Variants in TTN observed in about 807,000 individuals in gnomAD.
The protein encoded by TTN is titin, also known as connectin.
In TTN, 1,525 loss-of-function variants were observed where a neutral mutation model predicts 3,223.0. The ratio of observed to expected loss-of-function variants is 0.47; its 90% CI spans 0.45 to 0.49. The LOEUF (loss-of-function observed/expected upper bound fraction) is 0.49, where lower values mean the gene tolerates loss of function less well. TTN is among the 20% of genes least tolerant of loss of function. The pLI, the probability that TTN is intolerant of heterozygous loss-of-function variation, is 0.00. For missense variants in TTN, 40,786 were observed against 43,424.0 expected (o/e 0.94, Z 5.40); for synonymous variants, 14,094 against 15,161.0 (o/e 0.93, Z 5.17).
At position 178,782,927 on chromosome 2, in the gene TTN, G is replaced by T. The variant is rs371838857; in HGVS notation, c.2979C>A (p.Phe993Leu). The T allele has an allele frequency of 1.9e-6, 3 of 1,614,144 alleles. No homozygotes were observed. In the African/African-American group the frequency reaches 4.0e-5, roughly 22 times the overall value. The change falls in exon 18 of 363, where the codon TTC becomes TTA. Residue 993 changes from phenylalanine to leucine, a missense_variant. Transcript: ENST00000589042. Reference sequence around the variant, plus strand: ...TCATAAGACGAGCAATTCCACTCTGGAAGGTTATCTGGAAGTCAATGGAAC... The same window carrying T: ...TCATAAGACGAGCAATTCCACTCTGTAAGGTTATCTGGAAGTCAATGGAAC... ...IESSIDFQIT[F>L]QSGIARLMIR...
intron 112 of TTN, among the ~76,000 whole-genome samples, chr2:178,698,344 C>T (rs1235050962): frequency 6.6e-6 from 1 of 151,958 alleles, no homozygotes; most frequent in East Asian, 1.9e-4. Context: ...TAATAGTGTA[C>T]TGTACATTTC....
In TTN at chr2:178,588,929, A is replaced by G. The variant is rs1350819648; in HGVS notation, c.62796T>C (p.Asn20932=). 1.2e-6 allele frequency: 2 copies of G among 1,612,824 alleles called. No homozygotes were observed. Among genetic ancestry groups the G allele is most frequent in the Non-Finnish European group, 1.7e-6 (2 of 1,179,458 alleles). ...CTGCACGGACTCTGAAAATATATTC[A>G]TTTCCTTCTATGAGACGTGTTACTG... ...GTTVTRLIEG[N]EYIFRVRAEN... is the part of the protein sequence containing the mutation. Residue 20932 remains asparagine, a synonymous_variant, in exon 304 of 363, where the codon AAT becomes AAC. Transcript: ENST00000589042.
chr2:178,700,433 C>G (rs2074754309), intron 111 of TTN, among the ~76,000 whole-genome samples: 1 of 152,114 alleles, frequency 6.6e-6, no homozygotes, highest in Non-Finnish European at 1.5e-5. Flanking sequence ...TTTTGACATA[C>G]AGAATTTTTT....
At position 178,591,747 on chromosome 2, in the gene TTN, C is replaced by G; in HGVS notation, c.60072G>C (p.Trp20024Cys). 6 of 1,613,286 alleles carry G rather than the reference C, an allele frequency of 3.7e-6. No individual in the cohort carries two copies. The highest frequency in any genetic ancestry group is 5.1e-6 in the Non-Finnish European group (6 of 1,179,568). Reference protein sequence around the residue: ...VEYQEEGTQDWIKFKTVTNLE... With the variant: ...VEYQEEGTQDCIKFKTVTNLE... The stretch of plus-strand genomic sequence containing the variant: ...AGTTTGTCACAGTCTTAAATTTAAT[C>G]CAGTCCTGGGTGCCTTCTTCTTGAT... The change falls in exon 303 of 363, where the codon TGG becomes TGC. Residue 20024 changes from tryptophan to cysteine, a missense_variant. Coordinates refer to ENST00000589042, the MANE Select transcript of TTN (RefSeq NM_001267550.2).
rs879176251 is a variant in TTN at position 178,739,886 on chromosome 2, C to T, written c.13347G>A (p.Lys4449=). 6.2e-7 allele frequency: 1 copy of T among 1,613,762 alleles called. No individual in the cohort carries two copies. The highest frequency in any genetic ancestry group is 8.5e-7 in the Non-Finnish European group (1 of 1,179,842). The part of the protein sequence containing the change: ...IMCMYLVTSA[K]SVTEEVTIII... ...TGATGGTTACTTCTTCTGTTACAGA[C>T]TTTGCCGAAGTAACAAGGTACATGC... The change falls in exon 48 of 363, where the codon AAG becomes AAA. Residue 4449 remains lysine, a synonymous_variant. Coordinates refer to ENST00000589042, the MANE Select transcript of TTN (RefSeq NM_001267550.2).
rs771598392 is a variant in TTN, at chr2:178,684,974, T to A, written c.32486A>T (p.Lys10829Met). Reference protein sequence around the residue: ...PPPAKVPEAPKKIVPEKKVPA... With the variant: ...PPPAKVPEAPMKIVPEKKVPA... ...AACTTTCTTTTCTGGCACAATTTTC[T>A]TAGGTGCTTCAGGAACTTTAGAAAG... Residue 10829 changes from lysine (K) to methionine (M), a missense_variant, in exon 130 of 363, where the codon AAG becomes ATG. Physicochemically the swap from Lys to Met is moderately conservative, Grantham distance 95. Coordinates refer to ENST00000589042, the MANE Select transcript of TTN (RefSeq NM_001267550.2). 6.2e-7 allele frequency: 1 copy of A among 1,605,262 alleles called. No homozygotes were observed. The highest frequency in any genetic ancestry group is 2.2e-5 in the East Asian group (1 of 44,794).
rs781351100 is a variant in TTN, at chr2:178,713,149, G to T, written c.26985C>A (p.Asp8995Glu). Reference protein sequence around the residue: ...VNMLEESDSGDYTCIATNMAG... With the variant: ...VNMLEESDSGEYTCIATNMAG... ...CCATATTAGTAGCTATACATGTGTA[G>T]TCACCACTGTCTGATTCTTCCAGCA... The change falls in exon 93 of 363, where the codon GAC (aspartate) becomes GAA (glutamate). Residue 8995 changes from aspartate to glutamate, a missense_variant. Transcript: ENST00000589042. 100 of 1,613,646 alleles carry T rather than the reference G, an allele frequency of 6.2e-5. 1 individual carries two copies. In the South Asian group the frequency reaches 8.1e-4, roughly 13 times the overall value.
rs762921847 is a variant in TTN, at chr2:178,650,171, A to G, written c.39810T>C (p.Pro13270=). 7 of 1,580,326 alleles carry G rather than the reference A, an allele frequency of 4.4e-6. No individual in the cohort carries two copies. In the East Asian group the frequency reaches 1.6e-4, roughly 36 times the overall value. ...GTGGATTCTGCTTTGTACCTGCTGG[A>G]GGTGGAACCTCTGGTTCCTCCTCTT... ...VAEEEEPEVP[P]PAVPEEPKKI... The change falls in exon 210 of 363, where the codon CCT becomes CCC. Residue 13270 remains proline, a synonymous_variant. Transcript: ENST00000589042.
chr2:178,637,343 G>GC (rs777164418), intron 224 of TTN, 26 bp downstream of exon 224: 1 of 1,437,002 alleles, frequency 7.0e-7, no homozygotes. Flanking sequence ...AGGTTACAAT[G>GC]CAAGTACTAG....
rs765385083 is a variant in TTN at position 178,723,910 on chromosome 2, C to T, written c.21349G>A (p.Val7117Met). ...TCAGACCCAGCGACATTAGCAGCCA[C>T]GCATGTGTAATTGCCCATATCTGAG... ...DSSDMGNYTCVAANVAGSDEC... is the reference protein window; with the variant it reads ...DSSDMGNYTCMAANVAGSDEC... The change falls in exon 73 of 363, where the codon GTG (valine) becomes ATG (methionine). Residue 7117 changes from valine to methionine, a missense_variant. By Grantham distance (21) the Val-to-Met change is conservative (BLOSUM62 1). Transcript: ENST00000589042. 1.6e-5 allele frequency: 26 copies of T among 1,613,298 alleles called. 1 individual carries two copies. In the East Asian group the frequency reaches 2.7e-4, roughly 17 times the overall value.
Position 178,674,356 on chromosome 2 carries a change from G to T in TTN, c.34666C>A (p.Pro11556Thr), listed in dbSNP as rs1560275412. 2 of 1,597,896 alleles carry T rather than the reference G, an allele frequency of 1.3e-6. No homozygotes were observed. Among genetic ancestry groups the T allele is most frequent in the South Asian group, 1.1e-5 (1 of 87,986 alleles). Residue 11556 changes from proline (P) to threonine (T), a missense_variant, in exon 151 of 363, where the codon CCA (proline) becomes ACA (threonine). Physicochemically the swap from Pro to Thr is conservative, Grantham distance 38 (BLOSUM62 -1). Coordinates refer to ENST00000589042, the MANE Select transcript of TTN (RefSeq NM_001267550.2). ...TCTTCAACTTCCTCTATGCTAGGTG[G>T]TTCTTCTGGGATTTCTTCTTCTGAA... ...PISEEEIPEE[P>T]PSIEEVEEVA...
rs748295772 is a variant in TTN, at chr2:178,611,021, T to C, written c.51108A>G (p.Ala17036=). The stretch of plus-strand genomic sequence containing the variant: ...TGACTTTGACATTGATTGAGGCTGT[T>C]GCTGAGCCGAGCTTATTCTCCAGTG... ...TITLENKLGS[A]TASINVKVIG... is the part of the protein sequence containing the mutation. The change falls in exon 270 of 363, where the codon GCA becomes GCG. Residue 17036 remains alanine (A), a synonymous_variant. Transcript: ENST00000589042. The C allele has an allele frequency of 8.1e-6, 13 of 1,612,620 alleles. No individual in the cohort carries two copies. In the South Asian group the frequency reaches 1.4e-4, roughly 18 times the overall value.
chr2:178,546,181 A>G (rs1443639649), intron 342 of TTN, 31 bp downstream of exon 342: 5 of 1,594,250 alleles, frequency 3.1e-6, no homozygotes, highest in East Asian at 4.5e-5. Context: ...GGAAAATGCT[A>G]TATAAATGTG....
Position 178,565,099 on chromosome 2 carries a change from C to G in TTN, c.81033G>C (p.Glu27011Asp). ...AAGTGGTGGTGGTTGTATCTCGCTT[C>G]TCTACAATGTAGTTGCTTATTTGGC... The part of the protein sequence containing the change: ...GGCQISNYIV[E>D]KRDTTTTTWH... The change falls in exon 326 of 363, where the codon GAG becomes GAC. Residue 27011 changes from glutamate to aspartate, a missense_variant. Physicochemically the swap from Glu to Asp is conservative, Grantham distance 45 (BLOSUM62 2). Coordinates refer to ENST00000589042, the MANE Select transcript of TTN (RefSeq NM_001267550.2). 1 of 1,613,604 alleles carries G rather than the reference C, an allele frequency of 6.2e-7. No homozygotes were observed. The highest frequency in any genetic ancestry group is 1.3e-5 in the African/African-American group (1 of 75,028).
intron 282 of TTN, among the ~76,000 whole-genome samples, 179 bp from the exon 283 acceptor site, chr2:178,602,769 T>C (rs2053782577): frequency 6.6e-6 from 1 of 151,976 alleles, no homozygotes; most frequent in Admixed American, 6.6e-5. Flanking sequence ...CTATTTTCCT[T>C]TAGCATTAAT....
In TTN at chr2:178,614,879, G is replaced by T; in HGVS notation, c.48728C>A (p.Pro16243His). The change falls in exon 260 of 363, where the codon CCC becomes CAC. Residue 16243 changes from proline to histidine, a missense_variant. By Grantham distance (77) the Pro-to-His change is moderately conservative. Transcript: ENST00000589042. ...NRQGASKPSR[P>H]TEEIQAVDTQ... ...GTCCACAGCCTGGATTTCCTCTGTGGGTCTGCTTGGTTTGCTAGCACCCTG... is the reference window on the plus strand; with the variant it reads ...GTCCACAGCCTGGATTTCCTCTGTGTGTCTGCTTGGTTTGCTAGCACCCTG... The T allele has an allele frequency of 6.3e-7, 1 of 1,575,442 alleles. No homozygotes were observed. The highest frequency in any genetic ancestry group is 2.3e-5 in the East Asian group (1 of 43,022).
Position 178,688,186 on chromosome 2 carries a change from C to T in TTN, c.32236G>A (p.Glu10746Lys), listed in dbSNP as rs1335736658. ...CTATAAACTGAAATGGACACACCTT[C>T]CTCCTCTTCTGAGTAACTCCATTCC... Reference protein sequence around the residue: ...EEEWSYSEEEEGVSISVYREE... With the variant: ...EEEWSYSEEEKGVSISVYREE... Residue 10746 changes from glutamate to lysine, a missense_variant, in exon 127 of 363, where the codon GAA becomes AAA. Transcript: ENST00000589042. 2 of 1,612,854 alleles carry T rather than the reference C, an allele frequency of 1.2e-6. No individual in the cohort carries two copies. The highest frequency in any genetic ancestry group is 1.7e-6 in the Non-Finnish European group (2 of 1,179,782).
At position 178,527,767 on chromosome 2, in the gene TTN, A is replaced by C; in HGVS notation, c.107378-19T>G. On this transcript the variant is annotated intron_variant, in intron 361 of 362. Transcript: ENST00000589042. ...ACTAGAGCTGTGGAGCATAGCAGAT[A>C]CACAGTGAACATCAATGACATCTGG... 1 of 1,545,882 alleles carries C rather than the reference A, an allele frequency of 6.5e-7. No individual in the cohort carries two copies. Among genetic ancestry groups the C allele is most frequent in the Non-Finnish European group, 8.7e-7 (1 of 1,145,832 alleles).
At chr2:178,529,294 G>T in intron 359 of TTN, 75 bp from the exon 360 acceptor site, 2 of 1,151,380 alleles carry the variant, frequency 1.7e-6, no homozygotes, top group African/African-American at 1.6e-5. Flanking sequence ...GATTCTGCGT[G>T]TGAAAAACAT....
Sources: allele counts gnomAD v4.1 joint callset (sites outside exome capture counted in the v4.1 genomes callset), GRCh38; gene constraint gnomAD v4.1.1; transcripts MANE v1.5; gene names NCBI Gene and HGNC (gene_info 2026-07-23, HGNC 2026-07-21).